Variants in CCDC102B observed in about 807,000 individuals in gnomAD.
CCDC102B encodes the protein coiled-coil domain-containing protein 102B.
Under a neutral mutation model 57.4 loss-of-function variants are expected in CCDC102B, and 75 were observed. That is an observed-to-expected ratio of 1.31 (90% CI 1.08 to 1.58). CCDC102B has a LOEUF of 1.58. CCDC102B is among the 40% of genes most tolerant of loss of function. The pLI, the probability that CCDC102B is intolerant of heterozygous loss-of-function variation, is 0.00. For synonymous variants in CCDC102B, 206 were observed against 201.9 expected, an observed-to-expected ratio of 1.02 and a Z score of -0.17; for missense variants, 636 against 582.6, an observed-to-expected ratio of 1.09 and a Z score of -0.94.
rs1041635992 is a variant in CCDC102B, at chr18:68,937,230, T to C, written c.1263+39802T>C. 3.3e-5 allele frequency among the ~76,000 whole-genome samples: 5 copies of C among 152,134 alleles called. No homozygotes were observed. In the South Asian group the frequency reaches 8.3e-4, roughly 25 times the overall value. ...GCACTTAGGAACATTAGACAGCACTTTAGCAAAATGCTTGGTGGTCATTTT... is the reference window on the plus strand; with the variant it reads ...GCACTTAGGAACATTAGACAGCACTCTAGCAAAATGCTTGGTGGTCATTTT... On this transcript the variant is annotated intron_variant, in intron 6 of 7. Coordinates refer to ENST00000360242, the MANE Select transcript of CCDC102B (RefSeq NM_024781.3).
chr18:68,933,566 A>T (rs2041750025), intron 6 of CCDC102B, among the ~76,000 whole-genome samples: 1 of 151,880 alleles, frequency 6.6e-6, no homozygotes, highest in South Asian at 2.1e-4. Flanking sequence ...ATACTTAATG[A>T]GTATGTCTAT....
intron 6 of CCDC102B, among the ~76,000 whole-genome samples, chr18:68,928,320 A>C (rs2041548572): frequency 6.6e-6 from 1 of 151,926 alleles, no homozygotes. Context: ...GGAAGGCAAA[A>C]GGCTATTGAC....
intron 6 of CCDC102B, among the ~76,000 whole-genome samples, chr18:68,919,218 G>C (rs1245177793): frequency 6.6e-6 from 1 of 151,914 alleles, no homozygotes; most frequent in Non-Finnish European, 1.5e-5. Context: ...TATTTAAAGT[G>C]ATAATGAAAC....
At chr18:68,818,948 G>A (rs1024906108) in intron 1 of CCDC102B, among the ~76,000 whole-genome samples, 1 of 151,956 alleles carries the variant, frequency 6.6e-6, no homozygotes, top group African/African-American at 2.4e-5. Flanking sequence ...CAAGTTTTTA[G>A]CATGTTATTG....
At chr18:68,760,701 A>C (rs1035384506) in intron 2 of CCDC102B, among the ~76,000 whole-genome samples, 11 of 152,124 alleles carry the variant, frequency 7.2e-5, no homozygotes, top group African/African-American at 2.4e-5. Flanking sequence ...AGCTGCTTTT[A>C]GTATCGTAAC....
rs560150265 is a variant in CCDC102B at position 68,936,882 on chromosome 18, C to G, written c.1263+39454C>G. On this transcript the variant is annotated intron_variant, in intron 6 of 7. Coordinates refer to ENST00000360242, the MANE Select transcript of CCDC102B (RefSeq NM_024781.3). ...CATATACACACACACACACACCCAA[C>G]ACACATATACATACGTAAGTCAATT... Among the ~76,000 whole-genome samples the G allele has an allele frequency of 2.0e-5, 3 of 151,460 alleles. No individual in the cohort carries two copies. In the East Asian group the frequency reaches 5.8e-4, roughly 30 times the overall value.
chr18:68,826,039 C>A (rs1440111680), intron 1 of CCDC102B, among the ~76,000 whole-genome samples: 1 of 152,088 alleles, frequency 6.6e-6, no homozygotes, highest in Non-Finnish European at 1.5e-5. Flanking sequence ...TTTTTATTTT[C>A]CAAATATCAA....
At chr18:68,971,440 A>C (rs769985498) in intron 6 of CCDC102B, among the ~76,000 whole-genome samples, 2 of 152,164 alleles carry the variant, frequency 1.3e-5, no homozygotes, top group Non-Finnish European at 2.9e-5. Flanking sequence ...GGAAAATGAA[A>C]GTCAATACTT....
chr18:68,778,789 C>T (rs1446910048), intron 2 of CCDC102B, among the ~76,000 whole-genome samples: 10 of 150,296 alleles, frequency 6.7e-5, no homozygotes, highest in African/African-American at 2.2e-4. Flanking sequence ...GGAATTCAGA[C>T]TTGGGGAAGC....
intron 7 of CCDC102B, among the ~76,000 whole-genome samples, chr18:69,033,294 T>C (rs1265421913): frequency 1.1e-4 from 17 of 152,148 alleles, no homozygotes; most frequent in Non-Finnish European, 2.2e-4. Flanking sequence ...ATATAATTAA[T>C]ACACCATACA....
intron 2 of CCDC102B, among the ~76,000 whole-genome samples, chr18:68,718,634 C>G (rs2032157035): frequency 6.6e-6 from 1 of 152,118 alleles, no homozygotes; most frequent in Non-Finnish European, 1.5e-5. Context: ...ATAAATAAAG[C>G]TACATACATT....
intron 7 of CCDC102B, among the ~76,000 whole-genome samples, chr18:69,024,246 C>A (rs1447239576): frequency 1.3e-5 from 2 of 151,964 alleles, no homozygotes; most frequent in Admixed American, 1.3e-4. Context: ...GTTTGTCAGG[C>A]AAGTGATTTT....
intron 6 of CCDC102B, among the ~76,000 whole-genome samples, chr18:68,954,749 T>C (rs1174753192): frequency 1.3e-5 from 2 of 152,214 alleles, no homozygotes; most frequent in African/African-American, 4.8e-5. Context: ...TCAATCTATT[T>C]ACATGGCATT....
intron 6 of CCDC102B, among the ~76,000 whole-genome samples, chr18:68,968,987 T>C (rs919268278): frequency 6.6e-6 from 1 of 152,198 alleles, no homozygotes. Flanking sequence ...TATACCTTAA[T>C]AAAGCTGGGA....
chr18:68,886,008 C>A (rs565277466), intron 5 of CCDC102B, among the ~76,000 whole-genome samples: 37 of 151,552 alleles, frequency 2.4e-4, no homozygotes, highest in African/African-American at 8.7e-4. Flanking sequence ...ATTATAATAG[C>A]AAAATAAATG....
intron 2 of CCDC102B, among the ~76,000 whole-genome samples, chr18:68,730,583 T>C (rs990745726): frequency 2.0e-5 from 3 of 152,196 alleles, no homozygotes; most frequent in African/African-American, 7.2e-5. Flanking sequence ...GATAAGCAAT[T>C]GACTAGAACA....
intron 6 of CCDC102B, among the ~76,000 whole-genome samples, chr18:68,980,706 C>G (rs2050556429): frequency 1.3e-5 from 2 of 151,820 alleles, no homozygotes; most frequent in South Asian, 4.2e-4. Flanking sequence ...GAAGGGCTAC[C>G]CAAGGCCCAA....
At chr18:68,903,054 A>G (rs1224630097) in intron 6 of CCDC102B, among the ~76,000 whole-genome samples, 1 of 152,230 alleles carries the variant, frequency 6.6e-6, no homozygotes, top group Non-Finnish European at 1.5e-5. Context: ...GTCGTACTAA[A>G]AAATAAAGGT....
intron 7 of CCDC102B, among the ~76,000 whole-genome samples, chr18:69,014,707 T>TG (rs1277933236): frequency 9.9e-5 from 15 of 152,176 alleles, no homozygotes; most frequent in South Asian, 4.2e-4. Context: ...AGGTGTTTTT[T>TG]TTGTGTGTGT....
Sources: gnomAD v4.1 joint callset for allele counts (sites outside exome capture counted in the v4.1 genomes callset) on GRCh38, gnomAD v4.1.1 for gene constraint, MANE v1.5 for transcripts, NCBI Gene and HGNC (gene_info 2026-07-23, HGNC 2026-07-21) for gene names.